Variants in PRR23D1 observed in about 807,000 individuals in gnomAD.
The protein encoded by PRR23D1 is proline rich 23 domain containing 1, also known as proline-rich protein 23D1.
chr8:7,540,955 C>CG lies in PRR23D1; in HGVS notation c.143_144insG (p.Pro51ThrfsTer27). On this transcript the variant is annotated frameshift_variant, in exon 3 of 4. Transcript: ENST00000533250. LOFTEE classifies it high-confidence loss of function. ...CCTCACTGTGGTCTCTCTGCAGGTGCAAAAAAACCCTCAATTTCAGGAGCT... is the reference window on the plus strand; with the variant it reads ...CCTCACTGTGGTCTCTCTGCAGGTGCGAAAAAAACCCTCAATTTCAGGAGCT... 7.3e-7 allele frequency: 1 copy of CG among 1,368,202 alleles called. No individual in the cohort carries two copies. Among genetic ancestry groups the CG allele is most frequent in the Non-Finnish European group, 1.0e-6 (1 of 996,992 alleles). The allele number at this position is 1,368,202 out of a possible 1,614,324, so 84.8% of individuals were successfully genotyped here. A position where few individuals can be genotyped will look rare whatever the true frequency, so the allele number is the denominator to read the frequency against.
upstream of PRR23D1, among the ~76,000 whole-genome samples, chr8:7,537,035 G>A: frequency 8.7e-6 from 1 of 114,366 alleles, no homozygotes; most frequent in East Asian, 2.3e-4. Context: ...AGCGGGGCCA[G>A]ATCGCCAAGG....
upstream of PRR23D1, among the ~76,000 whole-genome samples, chr8:7,539,079 A>G: frequency 6.6e-6 from 1 of 151,082 alleles, no homozygotes; most frequent in African/African-American, 2.5e-5. Context: ...CATGCATCAC[A>G]TTCTTTTTGA....
At chr8:7,538,813 A>G (rs1389987817), upstream of PRR23D1, among the ~76,000 whole-genome samples, 1 of 152,010 alleles carries the variant, frequency 6.6e-6, no homozygotes, top group Non-Finnish European at 1.5e-5. Context: ...ACAATGATAT[A>G]TTAGAAATTA....
upstream of PRR23D1, among the ~76,000 whole-genome samples, chr8:7,537,149 G>A (rs1247890445): frequency 9.1e-6 from 1 of 109,454 alleles, no homozygotes; most frequent in East Asian, 2.2e-4. Context: ...GCTGTTCACA[G>A]CCCTACCTGA....
chr8:7,539,009 TGAATA>T (rs1422289123), upstream of PRR23D1, among the ~76,000 whole-genome samples: 1 of 151,172 alleles, frequency 6.6e-6, no homozygotes, highest in African/African-American at 2.5e-5. Context: ...CAACTAATCT[TGAATA>T]GAAAATATTC....
At chr8:7,538,862 T>C (rs372999718), upstream of PRR23D1, among the ~76,000 whole-genome samples, 13,679 of 144,864 alleles carry the variant, frequency 0.094, 154 homozygotes, top group African/African-American at 0.17. Context: ...GCTTGTCTTA[T>C]AGTATTCGCT....
upstream of PRR23D1, among the ~76,000 whole-genome samples, chr8:7,538,842 A>G (rs367858626): frequency 4.6e-5 from 7 of 152,042 alleles, no homozygotes; most frequent in African/African-American, 7.2e-5. Flanking sequence ...TTCTTTTTGT[A>G]TTTTCCCCAG....
chr8:7,538,869 C>T (rs1323703786), upstream of PRR23D1, among the ~76,000 whole-genome samples: 7 of 151,658 alleles, frequency 4.6e-5, no homozygotes, highest in East Asian at 1.9e-4. Flanking sequence ...TTATAGTATT[C>T]GCTTCTTCTG....
At chr8:7,536,714 T>C (rs1171567349), upstream of PRR23D1, among the ~76,000 whole-genome samples, 4 of 142,682 alleles carry the variant, frequency 2.8e-5, no homozygotes, top group East Asian at 8.0e-4. Context: ...AGAATGTTTC[T>C]CTTATTCGAG....
chr8:7,541,315 G>GGCTCAA lies in PRR23D1; in HGVS notation c.275_276insGCTCAA (p.Ser92delinsArgLeuAsn). 1 of 562,294 alleles carries GGCTCAA rather than the reference G, an allele frequency of 1.8e-6. No homozygotes were observed. The highest frequency in any genetic ancestry group is 3.1e-6 in the Non-Finnish European group (1 of 320,956). The allele number at this position is 562,294 out of a possible 1,614,324, so 34.8% of individuals were successfully genotyped here. On this transcript the variant is annotated protein_altering_variant, in exon 4 of 4. Coordinates refer to ENST00000533250, the MANE Select transcript of PRR23D1 (RefSeq NM_001282479.1). ...GAACAAGGGACAGAAGTGAGGTTGA[G>GGCTCAA]CCTGGAAGAGGTCATCCTCATCTTG... is the stretch of plus-strand genomic sequence containing the variant.
upstream of PRR23D1, among the ~76,000 whole-genome samples, chr8:7,538,817 G>A: frequency 6.6e-6 from 1 of 151,998 alleles, no homozygotes; most frequent in Non-Finnish European, 1.5e-5. Context: ...TGATATATTA[G>A]AAATTAAGTA....
chr8:7,536,940 T>C (rs1209705625), upstream of PRR23D1, among the ~76,000 whole-genome samples: 45 of 121,410 alleles, frequency 3.7e-4, no homozygotes, highest in African/African-American at 1.6e-3. Context: ...AGGCCAAGAG[T>C]CCCGCGCTGC....
upstream of PRR23D1, among the ~76,000 whole-genome samples, chr8:7,536,898 G>A (rs1437117641): frequency 3.5e-4 from 49 of 139,034 alleles, no homozygotes; most frequent in African/African-American, 1.3e-3. Flanking sequence ...GAATTTCAGC[G>A]ATACAGACGC....
upstream of PRR23D1, among the ~76,000 whole-genome samples, chr8:7,538,753 T>A (rs1812697876): frequency 6.6e-6 from 1 of 151,658 alleles, no homozygotes; most frequent in African/African-American, 2.4e-5. Context: ...ATTCTGAAAT[T>A]AGTCCAGCGG....
chr8:7,538,338 T>TC (rs568589865), upstream of PRR23D1, among the ~76,000 whole-genome samples: 149 of 934 alleles, frequency 0.16, no homozygotes, highest in Admixed American at 0.2. Flanking sequence ...CTAATTAGAT[T>TC]CAATTTTTTT....
upstream of PRR23D1, among the ~76,000 whole-genome samples, chr8:7,538,776 G>T (rs1812699257): frequency 1.3e-5 from 2 of 151,864 alleles, no homozygotes; most frequent in Admixed American, 6.6e-5. Flanking sequence ...ATACAGGCAA[G>T]AAATAAATTA....
chr8:7,538,956 T>C (rs1210473804), upstream of PRR23D1, among the ~76,000 whole-genome samples: 1 of 149,910 alleles, frequency 6.7e-6, no homozygotes, highest in East Asian at 1.9e-4. Context: ...TATTTAAAAA[T>C]ACTGTCAGCC....
chr8:7,538,947 A>G (rs1358440572), upstream of PRR23D1, among the ~76,000 whole-genome samples: 2 of 148,864 alleles, frequency 1.3e-5, no homozygotes, highest in Non-Finnish European at 3.0e-5. Flanking sequence ...ATTTTTTTTT[A>G]TTTAAAAATA....
At chr8:7,536,726 T>C (rs1338595816), upstream of PRR23D1, among the ~76,000 whole-genome samples, 5 of 144,140 alleles carry the variant, frequency 3.5e-5, no homozygotes, top group African/African-American at 1.1e-4. Flanking sequence ...TTATTCGAGC[T>C]CCTCTTTCCT....
Sources: allele counts gnomAD v4.1 joint callset (sites outside exome capture counted in the v4.1 genomes callset), GRCh38; gene constraint gnomAD v4.1.1; transcripts MANE v1.5; gene names NCBI Gene and HGNC (gene_info 2026-07-23, HGNC 2026-07-21).